The following CXCL13 variants were observed in gnomAD, a reference collection of about 807,000 sequenced individuals.
The protein encoded by CXCL13 is C-X-C motif chemokine ligand 13, also known as C-X-C motif chemokine 13.
CXCL13 carries 7 observed loss-of-function variants against 12.2 expected under a neutral mutation model. That is an observed-to-expected ratio of 0.57 (90% confidence interval 0.33 to 1.07). The LOEUF (loss-of-function observed/expected upper bound fraction) is 1.07. CXCL13 is among the 50% of genes least tolerant of loss of function. The probability of loss-of-function intolerance (pLI) is 0.04; values close to 1 mark genes in which losing one functional copy is unlikely to be tolerated. For missense variants in CXCL13, 113 were observed against 127.4 expected (o/e 0.89, Z 0.55); for synonymous variants, 47 against 42.4 (o/e 1.11, Z -0.42).
intron 1 of CXCL13, among the ~76,000 whole-genome samples, chr4:77,564,297 C>T (rs1725876119): frequency 6.6e-6 from 1 of 152,114 alleles, no homozygotes; most frequent in South Asian, 2.1e-4. Context: ...GGGAGGAAAG[C>T]CGTGGTATCA....
rs552381724 is a variant in CXCL13, at chr4:77,570,926, C to T, written c.-42-34898C>T. Among the ~76,000 whole-genome samples, 87 of 152,134 alleles carry T rather than the reference C, an allele frequency of 5.7e-4. 2 individuals are homozygous for T. The highest frequency in any genetic ancestry group is 3.1e-3 in the South Asian group (15 of 4,828). On this transcript the variant is annotated intron_variant, in intron 1 of 4. Coordinates refer to the CXCL13 transcript ENST00000286758. ...TGGGGCAGGCCTCGGGACTGCAGCC[C>T]GCCATGCCTGGGCCTTCCTCTGCCT...
chr4:77,576,786 A>T (rs1233938665), intron 1 of CXCL13, among the ~76,000 whole-genome samples: 1 of 152,238 alleles, frequency 6.6e-6, no homozygotes, highest in Admixed American at 6.5e-5. Flanking sequence ...GCTGCACTGT[A>T]CACAAATAAT....
At chr4:77,561,042 G>T (rs1259373925) in intron 1 of CXCL13, among the ~76,000 whole-genome samples, 1 of 152,240 alleles carries the variant, frequency 6.6e-6, no homozygotes, top group African/African-American at 2.4e-5. Context: ...TTCCATTTAA[G>T]GCTAACAGTT....
In CXCL13 at chr4:77,563,271, G is replaced by A. The variant is rs534943607; in HGVS notation, c.-42-42553G>A. On this transcript the variant is annotated intron_variant, in intron 1 of 4. Coordinates refer to the CXCL13 transcript ENST00000286758. ...GAACCCACCAATTCCAGACACAGCA[G>A]TTCTCAAGCAAAGACCGATGAGAGT... is the stretch of plus-strand genomic sequence containing the variant. Among the ~76,000 whole-genome samples the A allele has an allele frequency of 5.3e-5, 8 of 152,284 alleles. No homozygotes were observed. The South Asian group carries it at 1.7e-3, about 32-fold the overall frequency.
chr4:77,537,249 A>G (rs1725081702), intron 1 of CXCL13, among the ~76,000 whole-genome samples: 1 of 152,250 alleles, frequency 6.6e-6, no homozygotes, highest in South Asian at 2.1e-4. Context: ...ACAAGAGTAC[A>G]GAGTCATTGG....
At chr4:77,541,715 A>G (rs1470583604) in intron 1 of CXCL13, among the ~76,000 whole-genome samples, 6 of 152,126 alleles carry the variant, frequency 3.9e-5, no homozygotes, top group Non-Finnish European at 8.8e-5. Flanking sequence ...TTGTTGTTCC[A>G]AATGAAGTTT....
rs565434227 is a variant in CXCL13, at chr4:77,607,577, T to C, written c.65-126T>C. The C allele has an allele frequency of 2.3e-5, 18 of 771,902 alleles. No homozygotes were observed. In the South Asian group the frequency reaches 3.6e-4, roughly 15 times the overall value. 47.8% of individuals were successfully genotyped at this position (771,902 alleles called of 1,614,324 possible). A position where few individuals can be genotyped will look rare whatever the true frequency, so the allele number is the denominator to read the frequency against. On this transcript the variant is annotated intron_variant, in intron 1 of 3. Transcript: ENST00000682537. ...CAGAAATATACAAACTAAAGACATA[T>C]GGGTGGAAGCACTGACTTGAAACTT...
At chr4:77,541,920 A>G (rs1304372061) in intron 1 of CXCL13, among the ~76,000 whole-genome samples, 2 of 151,980 alleles carry the variant, frequency 1.3e-5, no homozygotes, top group African/African-American at 4.8e-5. Context: ...CCTTGTAGAG[A>G]TCTTTCACCT....
chr4:77,594,109 T>C (rs1726686947), intron 1 of CXCL13, among the ~76,000 whole-genome samples: 1 of 152,188 alleles, frequency 6.6e-6, no homozygotes, highest in South Asian at 2.1e-4. Context: ...GTGTAAGTGT[T>C]TGGGGGCTCC....
chr4:77,526,763 T>C (rs763575304), intron 1 of CXCL13, among the ~76,000 whole-genome samples: 1 of 152,014 alleles, frequency 6.6e-6, no homozygotes, highest in Non-Finnish European at 1.5e-5. Flanking sequence ...AACAGAGCCA[T>C]CAAAGAGGAA....
chr4:77,545,364 TCTTC>T (rs1164558736), intron 1 of CXCL13, among the ~76,000 whole-genome samples: 3 of 152,236 alleles, frequency 2.0e-5, no homozygotes, highest in African/African-American at 7.2e-5. Context: ...TGATATTGAT[TCTTC>T]CTACCCATGA....
intron 1 of CXCL13, among the ~76,000 whole-genome samples, chr4:77,575,421 G>A (rs775798296): frequency 1.5e-4 from 23 of 151,856 alleles, no homozygotes; most frequent in Admixed American, 4.6e-4. Context: ...ACATTAGGTA[G>A]TTCTCCTAAC....
intron 1 of CXCL13, among the ~76,000 whole-genome samples, chr4:77,598,956 C>CT (rs968433966): frequency 6.6e-6 from 1 of 152,096 alleles, no homozygotes; most frequent in African/African-American, 2.4e-5. Context: ...TTACAGGCAC[C>CT]TGCCACTATG....
upstream of CXCL13, among the ~76,000 whole-genome samples, chr4:77,604,273 A>G (rs1384846104): frequency 1.3e-5 from 2 of 151,982 alleles, no homozygotes; most frequent in Non-Finnish European, 2.9e-5. Context: ...GGAGCTCCCC[A>G]CTGAGCTGTT....
chr4:77,530,685 C>T (rs1578039113), intron 1 of CXCL13, among the ~76,000 whole-genome samples: 1 of 151,984 alleles, frequency 6.6e-6, no homozygotes, highest in South Asian at 2.1e-4. Flanking sequence ...ATTAGTATTG[C>T]TAATGGTCTG....
rs1236930032 is a variant in CXCL13 at position 77,543,550 on chromosome 4, T to G, written c.-43+31762T>G. On this transcript the variant is annotated intron_variant, in intron 1 of 4. Coordinates refer to the CXCL13 transcript ENST00000286758. The stretch of plus-strand genomic sequence containing the variant: ...CTGTATCCCAGAGATTTTCATTGTG[T>G]CTCTGTCCATCTTTATTTATTTCAG... Among the ~76,000 whole-genome samples, 11 of 152,264 alleles carry G rather than the reference T, an allele frequency of 7.2e-5. No homozygotes were observed. The East Asian group carries it at 2.1e-3, about 29-fold the overall frequency.
At chr4:77,576,708 G>T (rs114137232) in intron 1 of CXCL13, among the ~76,000 whole-genome samples, 2,864 of 152,236 alleles carry the variant, frequency 0.019, 85 homozygotes, top group African/African-American at 0.065. Context: ...AGTCCTATCT[G>T]AGATTCCTTG....
rs1391684506 is a variant in CXCL13 at position 77,579,660 on chromosome 4, T to C, written c.-42-26164T>C. Among the ~76,000 whole-genome samples the C allele has an allele frequency of 2.6e-5, 4 of 152,056 alleles. No individual in the cohort carries two copies. In the East Asian group the frequency reaches 7.7e-4, roughly 29 times the overall value. On this transcript the variant is annotated intron_variant, in intron 1 of 4. Transcript: ENST00000286758. ...CTGGCATGCTGTTAAGGACCTTTTA[T>C]TTTTTTTAATTCTGATGAGTGCCAA...
rs558742183 is a variant in CXCL13, at chr4:77,516,787, G to T, written c.-43+4999G>T. On this transcript the variant is annotated intron_variant, in intron 1 of 4. Transcript: ENST00000286758. ...CCTGGATTCATTAATTTTTTGAAGG[G>T]TTTTTGTGTCTCTATTTCCTTCAGT... Among the ~76,000 whole-genome samples the T allele has an allele frequency of 1.2e-4, 18 of 152,010 alleles. No homozygotes were observed. In the East Asian group the frequency reaches 3.5e-3, roughly 29 times the overall value.
Sources: allele counts gnomAD v4.1 joint callset (sites outside exome capture counted in the v4.1 genomes callset), GRCh38; gene constraint gnomAD v4.1.1; transcripts MANE v1.5; gene names NCBI Gene and HGNC (gene_info 2026-07-23, HGNC 2026-07-21).